The following PAM variants were observed in gnomAD, a reference collection of about 807,000 sequenced individuals.
The protein encoded by PAM is peptidylglycine alpha-amidating monooxygenase.
PAM carries 72 observed loss-of-function variants against 122.1 expected under a neutral mutation model. The observed-to-expected ratio is 0.59, with a 90% CI of 0.49 to 0.72. The LOEUF is 0.72. Among genes scored for constraint, PAM ranks in the 30% least tolerant of loss-of-function variants. PAM has a pLI of 0.00. For missense variants in PAM, 1,106 were observed against 1,183.7 expected, an observed-to-expected ratio of 0.93 and a Z score of 0.96; for synonymous variants, 389 against 404.4, an observed-to-expected ratio of 0.96 and a Z score of 0.46.
At chr5:102,812,994 G>A (rs1023763568) in intron 1 of PAM, among the ~76,000 whole-genome samples, 1 of 151,006 alleles carries the variant, frequency 6.6e-6, no homozygotes, top group Non-Finnish European at 1.5e-5. Flanking sequence ...TTTTTAAAAA[G>A]TATACAGAAT....
intron 1 of PAM, among the ~76,000 whole-genome samples, chr5:102,756,288 GC>G (rs1473382497): frequency 9.9e-5 from 15 of 152,284 alleles, no homozygotes; most frequent in African/African-American, 3.1e-4. Context: ...GCTTTGCGGG[GC>G]TAAAAGGCAT....
chr5:102,972,356 A>G (rs569835526), intron 14 of PAM, among the ~76,000 whole-genome samples: 144 of 152,256 alleles, frequency 9.5e-4, no homozygotes, highest in African/African-American at 3.3e-3. Flanking sequence ...ATCATAGCTC[A>G]CTGCAGCCTT....
intron 1 of PAM, among the ~76,000 whole-genome samples, chr5:102,831,775 C>T (rs1775525838): frequency 6.6e-6 from 1 of 152,044 alleles, no homozygotes; most frequent in Admixed American, 6.6e-5. Flanking sequence ...AAATTTACTA[C>T]TATGCTAATG....
chr5:102,765,510 C>A (rs917203986), intron 1 of PAM, among the ~76,000 whole-genome samples: 7 of 152,170 alleles, frequency 4.6e-5, no homozygotes, highest in Non-Finnish European at 1.0e-4. Flanking sequence ...GCTGCAGGAA[C>A]TCTGTGAGGG....
At chr5:102,862,297 T>C (rs1222950254) in intron 1 of PAM, among the ~76,000 whole-genome samples, 3 of 152,058 alleles carry the variant, frequency 2.0e-5, no homozygotes, top group Non-Finnish European at 4.4e-5. Flanking sequence ...AAATCTCCTA[T>C]TGAAGGACGT....
chr5:102,966,237 C>A (rs528908699), intron 14 of PAM, among the ~76,000 whole-genome samples: 7 of 152,046 alleles, frequency 4.6e-5, no homozygotes, highest in African/African-American at 1.7e-4. Flanking sequence ...TTCTAAATAC[C>A]CCCCAAGGCT....
intron 1 of PAM, among the ~76,000 whole-genome samples, chr5:102,822,968 T>G (rs1772458202): frequency 6.6e-6 from 1 of 152,154 alleles, no homozygotes; most frequent in African/African-American, 2.4e-5. Flanking sequence ...TCTAAAGGAC[T>G]GATGTGCAAC....
At chr5:102,951,164 GT>G (rs1442083328) in intron 12 of PAM, among the ~76,000 whole-genome samples, 2 of 151,860 alleles carry the variant, frequency 1.3e-5, no homozygotes, top group African/African-American at 2.4e-5. Flanking sequence ...TTTTTGCCCT[GT>G]GTTCACGGGG....
chr5:102,793,716 A>G (rs1762635020), intron 1 of PAM, among the ~76,000 whole-genome samples: 1 of 152,224 alleles, frequency 6.6e-6, no homozygotes, highest in Admixed American at 6.5e-5. Context: ...CCAGGAACAG[A>G]TTTTAAAACA....
At chr5:102,786,191 T>G (rs1760473474) in intron 1 of PAM, among the ~76,000 whole-genome samples, 1 of 152,232 alleles carries the variant, frequency 6.6e-6, no homozygotes, top group South Asian at 2.1e-4. Flanking sequence ...GAGGCAATTT[T>G]GTGTCATGTA....
At chr5:102,939,744 A>G (rs1396888923) in intron 7 of PAM, among the ~76,000 whole-genome samples, 2 of 152,068 alleles carry the variant, frequency 1.3e-5, no homozygotes, top group African/African-American at 2.4e-5. Context: ...TTCCCTAATT[A>G]ATACCAGGGA....
At position 103,025,227 on chromosome 5, in the gene PAM, G is replaced by A. The variant is rs964946277; in HGVS notation, c.2582G>A (p.Gly861Asp). 6 of 1,613,594 alleles carry A rather than the reference G, an allele frequency of 3.7e-6. No individual in the cohort carries two copies. Among genetic ancestry groups the A allele is most frequent in the African/African-American group, 2.7e-5 (2 of 74,868 alleles). Residue 861 changes from glycine (G) to aspartate (D), a missense_variant, in exon 24 of 26, where the codon GGC (glycine) becomes GAC (aspartate). Around this residue, in one of 3 missense-constraint regions of PAM, gnomAD observed 333 missense variants for 335.6 expected, o/e 0.99. Transcript: ENST00000438793. The stretch of plus-strand genomic sequence containing the variant: ...AAACAGAAACTGATCAAAGAGCCAG[G>A]CTCGGGAGTGCCTGTTGTTCTCATT... ...QEKQKLIKEP[G>D]SGVPVVLITT...
chr5:102,929,226 G>A (rs898861868), intron 7 of PAM, among the ~76,000 whole-genome samples: 14 of 152,068 alleles, frequency 9.2e-5, no homozygotes, highest in African/African-American at 3.1e-4. Context: ...GCCAAAAAAA[G>A]AATATGAATC....
chr5:102,757,653 AT>A lies in PAM; in HGVS notation c.-374+2306del, dbSNP rs548176291. ...AAGGAAATTATAATGCCTAGAAAAA[AT>A]ATACAGAGATTTAATGTAAGATTTT... On this transcript the variant is annotated intron_variant, in intron 1 of 25. Transcript: ENST00000438793. Among the ~76,000 whole-genome samples the A allele has an allele frequency of 2.9e-4, 44 of 152,324 alleles. 1 individual carries two copies. In the South Asian group the frequency reaches 8.7e-3, roughly 30 times the overall value.
intron 14 of PAM, among the ~76,000 whole-genome samples, chr5:102,971,066 C>T (rs1765682993): frequency 2.0e-5 from 3 of 152,080 alleles, no homozygotes; most frequent in Admixed American, 2.0e-4. Context: ...CTTGGCTTCC[C>T]AGTGCTGGGA....
chr5:102,852,518 T>TTTAGATTAGAAGATTAGAA (rs1353704819), intron 1 of PAM, among the ~76,000 whole-genome samples: 3 of 152,160 alleles, frequency 2.0e-5, no homozygotes, highest in Non-Finnish European at 4.4e-5. Context: ...AGAAGTATGT[T>TTTAGATTAGAAGATTAGAA]GTTTGCTTTA....
chr5:102,965,941 T>C (rs1763963057), intron 14 of PAM, among the ~76,000 whole-genome samples: 1 of 152,062 alleles, frequency 6.6e-6, no homozygotes, highest in African/African-American at 2.4e-5. Context: ...AAAGTTACAG[T>C]TGTAAACAGT....
At chr5:102,974,052 AATT>A in intron 14 of PAM, 61 bp from the exon 15 acceptor site, 2 of 1,120,406 alleles carry the variant, frequency 1.8e-6, no homozygotes, top group Non-Finnish European at 2.6e-6. Context: ...TAAAGCACCA[AATT>A]TTGTAAATTT....
chr5:103,022,074 C>T (rs976759688), intron 23 of PAM, among the ~76,000 whole-genome samples: 4 of 151,900 alleles, frequency 2.6e-5, no homozygotes, highest in Non-Finnish European at 5.9e-5. Context: ...ATAGCAATAT[C>T]TCACCAAAGC....
Sources: allele counts gnomAD v4.1 joint callset (sites outside exome capture counted in the v4.1 genomes callset), GRCh38; gene constraint gnomAD v4.1.1; regional missense constraint gnomAD v4.1.1; transcripts MANE v1.5; gene names NCBI Gene and HGNC (gene_info 2026-07-23, HGNC 2026-07-21).